KHDRBS3: variants seen among roughly 807,000 people sequenced by gnomAD.
The protein encoded by KHDRBS3 is KH RNA binding domain containing, signal transduction associated 3, also known as KH domain-containing, RNA-binding, signal transduction-associated protein 3.
A neutral mutation model predicts 45.6 loss-of-function variants in KHDRBS3; 23 were observed. That is an observed-to-expected ratio of 0.50 (90% confidence interval 0.36 to 0.72). The LOEUF (loss-of-function observed/expected upper bound fraction) is 0.72, where lower values mean the gene tolerates loss of function less well. Among genes scored for constraint, KHDRBS3 ranks in the 30% least tolerant of loss-of-function variants. The probability of loss-of-function intolerance (pLI) is 0.00; values close to 1 mark genes in which losing one functional copy is unlikely to be tolerated. For missense variants in KHDRBS3, 352 were observed against 424.8 expected, an observed-to-expected ratio of 0.83 and a Z score of 1.51; for synonymous variants, 162 against 156.5, an observed-to-expected ratio of 1.04 and a Z score of -0.26.
chr8:135,461,703 G>C (rs1478310652), intron 1 of KHDRBS3, among the ~76,000 whole-genome samples: 1 of 152,192 alleles, frequency 6.6e-6, no homozygotes, highest in Non-Finnish European at 1.5e-5. Flanking sequence ...TACAAGCCAA[G>C]TAACCATTAA....
At chr8:135,548,963 C>T (rs2130798736) in intron 4 of KHDRBS3, 63 bp downstream of exon 4, 1 of 1,190,486 alleles carries the variant, frequency 8.4e-7, no homozygotes, top group Non-Finnish European at 1.2e-6. Flanking sequence ...ATCCTTGATA[C>T]TTCTTGTCTG....
intron 6 of KHDRBS3, among the ~76,000 whole-genome samples, chr8:135,597,840 A>C (rs1238118781): frequency 6.6e-6 from 1 of 151,970 alleles, no homozygotes; most frequent in African/African-American, 2.4e-5. Flanking sequence ...TTCTGGTTTA[A>C]TTTCATTTTC....
intron 7 of KHDRBS3, among the ~76,000 whole-genome samples, chr8:135,612,597 G>A (rs759336984): frequency 6.6e-6 from 1 of 151,826 alleles, no homozygotes; most frequent in Non-Finnish European, 1.5e-5. Context: ...GATTTCATAC[G>A]TAAATAGTTC....
intron 7 of KHDRBS3, among the ~76,000 whole-genome samples, chr8:135,618,889 T>C (rs1026730605): frequency 6.6e-6 from 1 of 152,224 alleles, no homozygotes; most frequent in Non-Finnish European, 1.5e-5. Context: ...TTGTGTTTTA[T>C]GTGTCTGTCA....
At chr8:135,616,655 T>C (rs751138051) in intron 7 of KHDRBS3, among the ~76,000 whole-genome samples, 5 of 152,208 alleles carry the variant, frequency 3.3e-5, no homozygotes, top group Non-Finnish European at 7.3e-5. Context: ...TGACAGATGC[T>C]GCAGAGAGTG....
intron 7 of KHDRBS3, among the ~76,000 whole-genome samples, chr8:135,621,615 T>C (rs1001188423): frequency 6.6e-6 from 1 of 152,162 alleles, no homozygotes; most frequent in East Asian, 1.9e-4. Context: ...TAGTGAGTTA[T>C]TGTTTAGTGG....
intron 7 of KHDRBS3, among the ~76,000 whole-genome samples, chr8:135,620,277 T>A (rs535763899): frequency 4.6e-4 from 70 of 152,030 alleles, no homozygotes; most frequent in South Asian, 2.9e-3. Flanking sequence ...ATTTTCGTAT[T>A]TTTTTTAGAG....
At chr8:135,458,219 C>T in intron 1 of KHDRBS3, 2 of 1,244,900 alleles carry the variant, frequency 1.6e-6, no homozygotes, top group South Asian at 2.0e-5. Flanking sequence ...GACTCGGGCA[C>T]ACCCAGGGGA....
At chr8:135,472,399 C>T (rs1157444025) in intron 1 of KHDRBS3, among the ~76,000 whole-genome samples, 2 of 152,194 alleles carry the variant, frequency 1.3e-5, no homozygotes, top group Non-Finnish European at 2.9e-5. Context: ...AAGATGGTGC[C>T]TACTAGACTC....
intron 7 of KHDRBS3, among the ~76,000 whole-genome samples, chr8:135,619,555 G>A (rs376946054): frequency 1.3e-5 from 2 of 152,152 alleles, no homozygotes; most frequent in South Asian, 4.1e-4. Flanking sequence ...AGTAAAATGG[G>A]GATGACAATA....
intron 1 of KHDRBS3, among the ~76,000 whole-genome samples, chr8:135,490,134 C>A (rs913583354): frequency 4.6e-5 from 7 of 152,054 alleles, no homozygotes; most frequent in African/African-American, 1.7e-4. Context: ...GGACTGTACC[C>A]CTAGGTGTGT....
rs1021005310 is a variant in KHDRBS3, at chr8:135,569,003, A to G, written c.611+11416A>G. 3.3e-5 allele frequency among the ~76,000 whole-genome samples: 5 copies of G among 152,166 alleles called. No homozygotes were observed. In the South Asian group the frequency reaches 1.0e-3, roughly 32 times the overall value. ...CACATTTTTTAAATTTTGTGTTTTT[A>G]TTCGTTTGTTTAAACAATGGTGTCT... is the stretch of plus-strand genomic sequence containing the variant. On this transcript the variant is annotated intron_variant, in intron 5 of 8. Transcript: ENST00000355849.
rs374506816 is a variant in KHDRBS3, at chr8:135,503,662, T to A, written c.89-17575T>A. 8.5e-4 allele frequency among the ~76,000 whole-genome samples: 130 copies of A among 152,094 alleles called. 1 individual carries two copies. Among genetic ancestry groups the A allele is most frequent in the African/African-American group, 3.0e-3 (124 of 41,480 alleles). On this transcript the variant is annotated intron_variant, in intron 1 of 8. Coordinates refer to ENST00000355849, the MANE Select transcript of KHDRBS3 (RefSeq NM_006558.3). The stretch of plus-strand genomic sequence containing the variant: ...CATGTTACAGATGCGAAGCTGAGTC[T>A]CGGAGAGGTTAAGTAACTCACCCAA...
intron 1 of KHDRBS3, among the ~76,000 whole-genome samples, chr8:135,484,954 A>G (rs1438947059): frequency 1.3e-5 from 2 of 152,322 alleles, no homozygotes; most frequent in East Asian, 1.9e-4. Flanking sequence ...TGCTGTGCCA[A>G]CTGTGGAGCA....
intron 7 of KHDRBS3, among the ~76,000 whole-genome samples, chr8:135,626,265 A>G (rs1255318493): frequency 6.6e-6 from 1 of 152,216 alleles, no homozygotes; most frequent in African/African-American, 2.4e-5. Flanking sequence ...AATAAATCCT[A>G]AAGTCTAATT....
At chr8:135,633,003 C>G (rs1830666970) in intron 7 of KHDRBS3, among the ~76,000 whole-genome samples, 1 of 151,650 alleles carries the variant, frequency 6.6e-6, no homozygotes, top group Non-Finnish European at 1.5e-5. Context: ...TCTGACTAAA[C>G]TATAAAATAA....
intron 7 of KHDRBS3, among the ~76,000 whole-genome samples, chr8:135,636,545 A>G (rs371473492): frequency 5.9e-5 from 9 of 152,202 alleles, no homozygotes; most frequent in African/African-American, 1.9e-4. Flanking sequence ...CGTGGGTCAC[A>G]CTTTAGAAAC....
chr8:135,618,460 A>G (rs893173304), intron 7 of KHDRBS3, among the ~76,000 whole-genome samples: 4 of 152,224 alleles, frequency 2.6e-5, no homozygotes, highest in Non-Finnish European at 5.9e-5. Flanking sequence ...TAATTGATAT[A>G]AAAATGGTTT....
At chr8:135,625,747 G>T in intron 7 of KHDRBS3, 1 of 761,100 alleles carries the variant, frequency 1.3e-6, no homozygotes, top group Non-Finnish European at 2.4e-6. Context: ...AAACCTACTG[G>T]TAGTATTTTG....
Sources: allele counts gnomAD v4.1 joint callset (sites outside exome capture counted in the v4.1 genomes callset), GRCh38; gene constraint gnomAD v4.1.1; transcripts MANE v1.5; gene names NCBI Gene and HGNC (gene_info 2026-07-23, HGNC 2026-07-21).